UMAD1: variants seen among roughly 807,000 people sequenced by gnomAD.
UMAD1 encodes UBAP1-MVB12-associated (UMA)-domain containing protein 1.
UMAD1 carries 8 observed loss-of-function variants against 6.1 expected under a neutral mutation model. That is an observed-to-expected ratio of 1.30 (90% CI 0.76 to 2.35). UMAD1 has a LOEUF of 2.35. Among genes scored for constraint, UMAD1 ranks in the 30% most tolerant of loss-of-function variants. The probability of loss-of-function intolerance (pLI) is 0.00; values close to 1 mark genes in which losing one functional copy is unlikely to be tolerated. For synonymous variants in UMAD1, 56 were observed against 31.4 expected, an observed-to-expected ratio of 1.78 and a Z score of -2.61; for missense variants, 130 against 78.4, an observed-to-expected ratio of 1.66 and a Z score of -2.49.
intron 2 of UMAD1, among the ~76,000 whole-genome samples, chr7:7,691,578 C>T (rs760401471): frequency 6.6e-6 from 1 of 152,186 alleles, no homozygotes; most frequent in Non-Finnish European, 1.5e-5. Flanking sequence ...TTTTCTTTCT[C>T]ATCTTACGCA....
chr7:7,782,290 C>A (rs559136962), intron 2 of UMAD1, among the ~76,000 whole-genome samples: 2 of 151,872 alleles, frequency 1.3e-5, no homozygotes, highest in African/African-American at 4.8e-5. Context: ...ATTTTTTTCT[C>A]ACGTATTCTC....
intron 2 of UMAD1, among the ~76,000 whole-genome samples, chr7:7,779,150 C>G (rs1043687570): frequency 8.5e-5 from 13 of 152,162 alleles, no homozygotes; most frequent in African/African-American, 3.1e-4. Context: ...CTTTATTTTC[C>G]TCTGAAGTAT....
At chr7:7,782,325 C>A (rs1782361731) in intron 2 of UMAD1, among the ~76,000 whole-genome samples, 1 of 151,984 alleles carries the variant, frequency 6.6e-6, no homozygotes, top group African/African-American at 2.4e-5. Flanking sequence ...TCTTTTGGAT[C>A]ACTTTAGTGA....
intron 2 of UMAD1, among the ~76,000 whole-genome samples, chr7:7,788,495 T>C (rs1782500526): frequency 6.6e-6 from 1 of 152,230 alleles, no homozygotes; most frequent in Non-Finnish European, 1.5e-5. Context: ...CTTTTATACC[T>C]TTCTATATTT....
intron 3 of UMAD1, among the ~76,000 whole-genome samples, chr7:7,821,677 C>G (rs1266229298): frequency 6.6e-6 from 1 of 152,154 alleles, no homozygotes. Context: ...AATTGCCAGT[C>G]CTGATTCAGT....
At chr7:7,728,010 AC>A (rs1331501214) in intron 2 of UMAD1, among the ~76,000 whole-genome samples, 2 of 152,086 alleles carry the variant, frequency 1.3e-5, no homozygotes, top group African/African-American at 4.8e-5. Flanking sequence ...CCTCTAGAGA[AC>A]CCTGACTAAT....
intron 3 of UMAD1, among the ~76,000 whole-genome samples, chr7:7,842,917 A>T (rs1448070822): frequency 6.6e-6 from 1 of 152,184 alleles, no homozygotes. Flanking sequence ...TCTATAGGGG[A>T]CAAAGGTAGT....
intron 2 of UMAD1, among the ~76,000 whole-genome samples, chr7:7,693,295 T>TCATCTATCTATC (rs71543842): frequency 9.4e-5 from 14 of 148,886 alleles, no homozygotes; most frequent in Admixed American, 6.7e-4. Flanking sequence ...TAAAATATCT[T>TCATCTATCTATC]TATCTATCTA....
At chr7:7,700,460 T>A (rs1324066422) in intron 2 of UMAD1, among the ~76,000 whole-genome samples, 2 of 152,162 alleles carry the variant, frequency 1.3e-5, no homozygotes, top group African/African-American at 2.4e-5. Flanking sequence ...GTGCAGTGGC[T>A]CATGCCTGTA....
intron 3 of UMAD1, among the ~76,000 whole-genome samples, chr7:7,812,573 G>A (rs1181488890): frequency 1.3e-5 from 2 of 151,830 alleles, no homozygotes; most frequent in African/African-American, 2.4e-5. Flanking sequence ...TTTAGAAGGA[G>A]GAATCAAAAT....
intron 2 of UMAD1, among the ~76,000 whole-genome samples, chr7:7,696,740 G>A (rs950743009): frequency 2.0e-5 from 3 of 152,088 alleles, no homozygotes; most frequent in African/African-American, 7.2e-5. Flanking sequence ...TCAATAGTGG[G>A]CACTGATTCT....
In UMAD1 at chr7:7,871,512, C is replaced by T. The variant is rs76963730; in HGVS notation, c.157-5769C>T. ...AATACGGGACTAATAGGAGCACATA[C>T]CCTTACAAGGCTGTTGTAAGACTTA... On this transcript the variant is annotated intron_variant, in intron 3 of 3. Coordinates refer to ENST00000682710, the MANE Select transcript of UMAD1 (RefSeq NM_001302348.2). Among the ~76,000 whole-genome samples, 5 of 152,170 alleles carry T rather than the reference C, an allele frequency of 3.3e-5. No individual in the cohort carries two copies. The East Asian group carries it at 7.7e-4, about 23-fold the overall frequency.
At chr7:7,841,647 T>G (rs540461601) in intron 3 of UMAD1, among the ~76,000 whole-genome samples, 2 of 152,192 alleles carry the variant, frequency 1.3e-5, no homozygotes, top group Non-Finnish European at 2.9e-5. Flanking sequence ...GAAAATATAT[T>G]TTAATATACA....
At chr7:7,797,120 A>G (rs1190350543) in intron 2 of UMAD1, among the ~76,000 whole-genome samples, 2 of 152,192 alleles carry the variant, frequency 1.3e-5, no homozygotes, top group Non-Finnish European at 2.9e-5. Context: ...GGCCCCAGGA[A>G]GCTTACAATC....
intron 3 of UMAD1, among the ~76,000 whole-genome samples, chr7:7,870,431 G>C (rs544085765): frequency 1.3e-5 from 2 of 152,058 alleles, no homozygotes; most frequent in Non-Finnish European, 2.9e-5. Flanking sequence ...TCTGAAATTT[G>C]GCTATTAACC....
rs776102769 is a variant in UMAD1, at chr7:7,673,368, A to AGCAGCAGCAGCAGCAGCAGCG, written c.-1_1insGCAGCAGCAGCAGCAGCGGCA. The stretch of plus-strand genomic sequence containing the variant: ...CAGCAGCAGCAGCAGCAGCAGCAGC[A>AGCAGCAGCAGCAGCAGCAGCG]GCAATGTTTCACTTCTTCAGAAAGC... On this transcript the variant is annotated 5_prime_UTR_variant, in exon 2 of 4. Transcript: ENST00000682710. 4 of 1,125,840 alleles carry AGCAGCAGCAGCAGCAGCAGCG rather than the reference A, an allele frequency of 3.6e-6. No individual in the cohort carries two copies. The African/African-American group carries it at 4.8e-5, about 13-fold the overall frequency. The allele number at this position is 1,125,840 out of a possible 1,614,324, so 69.7% of individuals were successfully genotyped here. A position where few individuals can be genotyped will look rare whatever the true frequency, so the allele number is the denominator to read the frequency against.
intron 2 of UMAD1, among the ~76,000 whole-genome samples, chr7:7,722,842 A>T (rs1442023406): frequency 6.6e-6 from 1 of 152,168 alleles, no homozygotes; most frequent in East Asian, 1.9e-4. Flanking sequence ...GCAACTTGGA[A>T]TGGGGACGTG....
chr7:7,864,894 A>G (rs567636438), intron 3 of UMAD1, among the ~76,000 whole-genome samples: 10 of 152,264 alleles, frequency 6.6e-5, no homozygotes, highest in African/African-American at 9.6e-5. Context: ...CCAGTGGCCA[A>G]TGATTTTTAT....
chr7:7,720,419 G>C (rs1325324012), intron 2 of UMAD1, among the ~76,000 whole-genome samples: 1 of 152,048 alleles, frequency 6.6e-6, no homozygotes, highest in Admixed American at 6.5e-5. Context: ...CCAGGCATCT[G>C]TGTTTTTAAT....
Sources: allele counts gnomAD v4.1 joint callset (sites outside exome capture counted in the v4.1 genomes callset), GRCh38; gene constraint gnomAD v4.1.1; transcripts MANE v1.5; gene names NCBI Gene and HGNC (gene_info 2026-07-23, HGNC 2026-07-21).